EBF1: variants seen among roughly 807,000 people sequenced by gnomAD.
The protein encoded by EBF1 is transcription factor COE1.
EBF1 carries 10 observed loss-of-function variants against 68.4 expected under a neutral mutation model. The observed-to-expected ratio is 0.15, with a 90% CI of 0.09 to 0.25. EBF1 has a LOEUF of 0.25. Ranked by LOEUF, EBF1 falls within the 10% of genes least tolerant of loss-of-function variation. EBF1 has a pLI of 1.00. For synonymous variants in EBF1, 298 were observed against 299.8 expected (o/e 0.99, Z 0.06); for missense variants, 509 against 794.4 (o/e 0.64, Z 4.32).
chr5:158,895,385 T>C (rs1425861616), intron 6 of EBF1, among the ~76,000 whole-genome samples: 2 of 152,208 alleles, frequency 1.3e-5, no homozygotes, highest in African/African-American at 2.4e-5. Flanking sequence ...CGATAATATT[T>C]GTTTGGCTAT....
chr5:158,998,791 T>C (rs1761951327), intron 6 of EBF1, among the ~76,000 whole-genome samples: 1 of 152,166 alleles, frequency 6.6e-6, no homozygotes, highest in Admixed American at 6.5e-5. Flanking sequence ...TGAAATCATC[T>C]CACAGGCCAG....
intron 6 of EBF1, among the ~76,000 whole-genome samples, chr5:159,046,571 G>A (rs1772441650): frequency 6.6e-6 from 1 of 152,190 alleles, no homozygotes; most frequent in Non-Finnish European, 1.5e-5. Context: ...AGCATGCCAG[G>A]ACTGGAGACT....
intron 10 of EBF1, among the ~76,000 whole-genome samples, chr5:158,753,915 A>G (rs1769474512): frequency 6.6e-6 from 1 of 151,900 alleles, no homozygotes; most frequent in South Asian, 2.1e-4. Flanking sequence ...AAATGTTAAC[A>G]TGAGTCCCTG....
chr5:158,845,444 T>C lies in EBF1; in HGVS notation c.555-5334A>G, dbSNP rs1026054441. Among the ~76,000 whole-genome samples the C allele has an allele frequency of 2.6e-5, 4 of 152,258 alleles. No individual in the cohort carries two copies. In the South Asian group the frequency reaches 8.3e-4, roughly 32 times the overall value. On this transcript the variant is annotated intron_variant, in intron 6 of 15. Coordinates refer to ENST00000313708, the MANE Select transcript of EBF1 (RefSeq NM_024007.5). ...TCTCATCTGTAAGATGGGAGGAACATCGGAACCTACTTTAAAGAGTTAAGA... is the reference window on the plus strand; with the variant it reads ...TCTCATCTGTAAGATGGGAGGAACACCGGAACCTACTTTAAAGAGTTAAGA...
Position 158,698,405 on chromosome 5 carries a change from A to C in EBF1, c.*706T>G. ...ACTGGATTTTCGAGTAGAGGGAAAA[A>C]TGTGATCACTTACATCGCGTTTTAA... On this transcript the variant is annotated 3_prime_UTR_variant, in exon 16 of 16. Coordinates refer to ENST00000313708, the MANE Select transcript of EBF1 (RefSeq NM_024007.5). 4.5e-6 allele frequency: 1 copy of C among 224,220 alleles called. No homozygotes were observed. The highest frequency in any genetic ancestry group is 6.5e-5 in the East Asian group (1 of 15,468). The allele number at this position is 224,220 out of a possible 1,614,324, so 13.9% of individuals were successfully genotyped here.
intron 6 of EBF1, among the ~76,000 whole-genome samples, chr5:158,996,401 A>G (rs1761426020): frequency 6.6e-6 from 1 of 152,242 alleles, no homozygotes; most frequent in Non-Finnish European, 1.5e-5. Context: ...TAAGTTAACC[A>G]TAAAGATTGT....
At chr5:158,951,255 A>G (rs1292526421) in intron 6 of EBF1, among the ~76,000 whole-genome samples, 12 of 152,224 alleles carry the variant, frequency 7.9e-5, no homozygotes, top group Non-Finnish European at 1.6e-4. Context: ...CCATGCGTTT[A>G]CTAAACAGTG....
In EBF1 at chr5:158,758,885, G is replaced by A. The variant is rs192326201; in HGVS notation, c.1036+18528C>T. On this transcript the variant is annotated intron_variant, in intron 10 of 15. Coordinates refer to ENST00000313708, the MANE Select transcript of EBF1 (RefSeq NM_024007.5). ...AAAATGTGGAGCTAGAAAAGGCTGA[G>A]ATAATATGTTGTCACTCCCATATTT... 3.3e-5 allele frequency among the ~76,000 whole-genome samples: 5 copies of A among 152,092 alleles called. No individual in the cohort carries two copies. In the East Asian group the frequency reaches 7.7e-4, roughly 23 times the overall value.
chr5:159,073,838 A>G (rs1253077423), intron 5 of EBF1: 3 of 193,866 alleles, frequency 1.5e-5, no homozygotes, highest in East Asian at 2.4e-4. Flanking sequence ...TCTTCCCTCA[A>G]GATCACACTA....
intron 10 of EBF1, among the ~76,000 whole-genome samples, chr5:158,766,176 T>C (rs1772629796): frequency 6.6e-6 from 1 of 152,194 alleles, no homozygotes; most frequent in Admixed American, 6.5e-5. Context: ...CCTCTTATCA[T>C]TACAAGCATT....
At chr5:158,815,938 A>G (rs1783649734) in intron 8 of EBF1, among the ~76,000 whole-genome samples, 1 of 151,918 alleles carries the variant, frequency 6.6e-6, no homozygotes, top group Non-Finnish European at 1.5e-5. Context: ...TCAGTGCTCT[A>G]TTTTATGACA....
intron 6 of EBF1, among the ~76,000 whole-genome samples, chr5:158,961,001 G>A (rs999670967): frequency 2.6e-5 from 4 of 151,834 alleles, no homozygotes; most frequent in Admixed American, 2.6e-4. Context: ...AAGCCCATAA[G>A]GGAAAAAAAT....
At chr5:158,848,754 A>G (rs1252224102) in intron 6 of EBF1, among the ~76,000 whole-genome samples, 1 of 152,230 alleles carries the variant, frequency 6.6e-6, no homozygotes, top group Non-Finnish European at 1.5e-5. Flanking sequence ...TAGCATTTTA[A>G]AGCAGATTCA....
intron 11 of EBF1, among the ~76,000 whole-genome samples, chr5:158,723,039 G>A (rs1762267851): frequency 6.6e-6 from 1 of 152,120 alleles, no homozygotes. Context: ...TGCTAAAAAG[G>A]AACTCGAAAG....
chr5:158,828,866 G>A (rs1429877715), intron 7 of EBF1, among the ~76,000 whole-genome samples: 2 of 152,136 alleles, frequency 1.3e-5, no homozygotes, highest in Non-Finnish European at 2.9e-5. Flanking sequence ...AAGAAAATGA[G>A]CTATCAAGCC....
intron 6 of EBF1, among the ~76,000 whole-genome samples, chr5:158,905,302 T>A (rs1332836069): frequency 6.6e-6 from 1 of 152,198 alleles, no homozygotes; most frequent in Non-Finnish European, 1.5e-5. Flanking sequence ...ATGCCCTAGC[T>A]CCTATGTGAA....
intron 6 of EBF1, among the ~76,000 whole-genome samples, chr5:159,001,083 A>T (rs1345431376): frequency 1.3e-5 from 2 of 152,218 alleles, no homozygotes; most frequent in Non-Finnish European, 2.9e-5. Flanking sequence ...AACAGAATGT[A>T]GAAGCAAATA....
chr5:159,006,219 T>A (rs533278622), intron 6 of EBF1, among the ~76,000 whole-genome samples: 2 of 152,202 alleles, frequency 1.3e-5, no homozygotes, highest in East Asian at 1.9e-4. Flanking sequence ...ACAATCAAAC[T>A]GAAAGAGTTA....
intron 6 of EBF1, among the ~76,000 whole-genome samples, chr5:158,960,110 AG>A (rs1363250486): frequency 6.6e-6 from 1 of 152,218 alleles, no homozygotes; most frequent in Non-Finnish European, 1.5e-5. Flanking sequence ...GAAGGAAAGG[AG>A]GGGACACTTA....
Sources: gnomAD v4.1 joint callset for allele counts (sites outside exome capture counted in the v4.1 genomes callset) on GRCh38, gnomAD v4.1.1 for gene constraint, MANE v1.5 for transcripts, NCBI Gene and HGNC (gene_info 2026-07-23, HGNC 2026-07-21) for gene names.